PIWIL2: variants seen among roughly 807,000 people sequenced by gnomAD.
PIWIL2 encodes the protein piwi-like protein 2.
Under a neutral mutation model 116.5 loss-of-function variants are expected in PIWIL2, and 81 were observed. The observed-to-expected ratio is 0.70, with a 90% confidence interval of 0.58 to 0.84. The LOEUF is 0.84. Ranked by LOEUF, PIWIL2 falls within the 40% of genes least tolerant of loss-of-function variation. The probability of loss-of-function intolerance (pLI) is 0.00; values close to 1 mark genes in which losing one functional copy is unlikely to be tolerated. For missense variants in PIWIL2, 1,272 were observed against 1,212.3 expected (o/e 1.05, Z -0.73); for synonymous variants, 489 against 429.5 (o/e 1.14, Z -1.71).
At chr8:22,304,978 A>G (rs78323775) in intron 12 of PIWIL2, 110 bp downstream of exon 12, 43,204 of 723,850 alleles carry the variant, frequency 0.06, 1,646 homozygotes, top group Admixed American at 0.11. Flanking sequence ...ATCGTAGTGT[A>G]GTTGCGGAAA....
chr8:22,279,454 G>C lies in PIWIL2; in HGVS notation c.68G>C (p.Arg23Pro), dbSNP rs753827510. The C allele has an allele frequency of 6.2e-6, 10 of 1,614,106 alleles. No individual in the cohort carries two copies. The highest frequency in any genetic ancestry group is 2.2e-5 in the East Asian group (1 of 44,882). ...PIHPSQCQAV[R>P]MPGCWPQASK... Reference sequence around the variant, plus strand: ...CACCCATCCCAGTGCCAGGCTGTACGGATGCCAGGCTGTTGGCCACAAGCT... The same window carrying C: ...CACCCATCCCAGTGCCAGGCTGTACCGATGCCAGGCTGTTGGCCACAAGCT... Residue 23 changes from arginine to proline, a missense_variant, in exon 2 of 23, where the codon CGG becomes CCG. By Grantham distance (103) the Arg-to-Pro change is moderately radical. Transcript: ENST00000356766.
At chr8:22,293,126 A>G (rs1830802423) in intron 10 of PIWIL2, among the ~76,000 whole-genome samples, 1 of 152,098 alleles carries the variant, frequency 6.6e-6, no homozygotes, top group African/African-American at 2.4e-5. Flanking sequence ...ACTTTCAGTG[A>G]ATGCCTTTGC....
intron 20 of PIWIL2, among the ~76,000 whole-genome samples, chr8:22,318,852 T>C (rs891165455): frequency 3.2e-4 from 48 of 152,258 alleles, no homozygotes; most frequent in African/African-American, 1.1e-3. Context: ...TCTCTAGACA[T>C]AATCTTCATG....
chr8:22,326,781 T>A (rs1831735178), intron 20 of PIWIL2, among the ~76,000 whole-genome samples: 1 of 152,232 alleles, frequency 6.6e-6, no homozygotes, highest in Non-Finnish European at 1.5e-5. Context: ...TTGACTATTG[T>A]GAATAATGCT....
intron 16 of PIWIL2, among the ~76,000 whole-genome samples, chr8:22,311,795 C>T (rs980227261): frequency 2.0e-5 from 3 of 152,024 alleles, no homozygotes; most frequent in Non-Finnish European, 4.4e-5. Flanking sequence ...TCAGTTCTTA[C>T]CTGTTTGTAA....
At chr8:22,322,355 A>C (rs1831618793) in intron 20 of PIWIL2, among the ~76,000 whole-genome samples, 1 of 151,434 alleles carries the variant, frequency 6.6e-6, no homozygotes, top group African/African-American at 2.4e-5. Context: ...GGCTCAAGGG[A>C]TCCTCCCACC....
chr8:22,337,816 C>A (rs1226984746), intron 20 of PIWIL2, among the ~76,000 whole-genome samples: 1 of 151,916 alleles, frequency 6.6e-6, no homozygotes, highest in Admixed American at 6.6e-5. Flanking sequence ...AGATCTAGGC[C>A]AGGCGCAGTG....
chr8:22,321,986 C>T (rs1831610312), intron 20 of PIWIL2: 2 of 984,586 alleles, frequency 2.0e-6, no homozygotes, highest in African/African-American at 3.5e-5. Flanking sequence ...TCTGGACTCG[C>T]ATGCAATAAT....
rs746657258 is a variant in PIWIL2, at chr8:22,305,925, A to C, written c.1456-2A>C. 1 of 1,612,256 alleles carries C rather than the reference A, an allele frequency of 6.2e-7. No individual in the cohort carries two copies. Among genetic ancestry groups the C allele is most frequent in the South Asian group, 1.1e-5 (1 of 91,046 alleles). ...TTTTCCCTCTTCGTTCTCTCTTCAA[A>C]GCTGCTAAAAGGGGAAATCCTGCTG... On this transcript the variant is annotated splice_acceptor_variant, in intron 12 of 22. Transcript: ENST00000356766. LOFTEE classifies it high-confidence loss of function.
At chr8:22,288,177 A>T (rs1165564199) in intron 7 of PIWIL2, among the ~76,000 whole-genome samples, 1 of 152,024 alleles carries the variant, frequency 6.6e-6, no homozygotes, top group African/African-American at 2.4e-5. Context: ...AGGCGCCTGT[A>T]GTCCCAGCTA....
chr8:22,345,987 A>G (rs187943532), intron 20 of PIWIL2, among the ~76,000 whole-genome samples: 16 of 152,260 alleles, frequency 1.1e-4, no homozygotes, highest in East Asian at 3.9e-4. Flanking sequence ...GGGGTGATCA[A>G]TATGTTCTAA....
intron 20 of PIWIL2, among the ~76,000 whole-genome samples, chr8:22,331,460 A>G (rs1831860829): frequency 2.0e-5 from 3 of 152,030 alleles, no homozygotes; most frequent in African/African-American, 2.4e-5. Flanking sequence ...CCCTCTTTCA[A>G]CAGAGCGAGA....
At chr8:22,290,975 T>TATATATATATATATATATATATA (rs947701007) in intron 10 of PIWIL2, among the ~76,000 whole-genome samples, 26 of 149,484 alleles carry the variant, frequency 1.7e-4, no homozygotes, top group Admixed American at 4.1e-4. Context: ...TGTATATATA[T>TATATATATATATATATATATATA]TTTTTTTAAT....
intron 20 of PIWIL2, among the ~76,000 whole-genome samples, chr8:22,352,080 G>A (rs1832386401): frequency 6.6e-6 from 1 of 152,144 alleles, no homozygotes; most frequent in Non-Finnish European, 1.5e-5. Context: ...AGGTAGCTGG[G>A]ATTAGAGGCA....
At chr8:22,292,204 TG>T (rs2132004815) in intron 10 of PIWIL2, among the ~76,000 whole-genome samples, 1 of 152,306 alleles carries the variant, frequency 6.6e-6, no homozygotes, top group East Asian at 1.9e-4. Flanking sequence ...GTAGGGCTTT[TG>T]TGAGGGTTTT....
At chr8:22,339,524 A>G (rs1329480163) in intron 20 of PIWIL2, among the ~76,000 whole-genome samples, 1 of 152,134 alleles carries the variant, frequency 6.6e-6, no homozygotes, top group Non-Finnish European at 1.5e-5. Context: ...AAACTATGCA[A>G]CTGTAGACGG....
intron 20 of PIWIL2, among the ~76,000 whole-genome samples, chr8:22,351,270 A>G (rs1389069710): frequency 6.6e-6 from 1 of 150,864 alleles, no homozygotes; most frequent in Non-Finnish European, 1.5e-5. Context: ...AGTGGCTATG[A>G]TTACACCACT....
At chr8:22,327,691 C>G (rs546782819) in intron 20 of PIWIL2, among the ~76,000 whole-genome samples, 1 of 152,166 alleles carries the variant, frequency 6.6e-6, no homozygotes, top group East Asian at 1.9e-4. Context: ...TGTGAAGTAT[C>G]TCATTGTGGT....
intron 20 of PIWIL2, among the ~76,000 whole-genome samples, chr8:22,348,087 G>A (rs962071189): frequency 1.3e-5 from 2 of 152,048 alleles, no homozygotes; most frequent in African/African-American, 2.4e-5. Context: ...CATCACTTGA[G>A]GTCAGGAGTT....
Sources: gnomAD v4.1 joint callset for allele counts (sites outside exome capture counted in the v4.1 genomes callset) on GRCh38, gnomAD v4.1.1 for gene constraint, MANE v1.5 for transcripts, NCBI Gene and HGNC (gene_info 2026-07-23, HGNC 2026-07-21) for gene names.